NSMF: variants seen among roughly 807,000 people sequenced by gnomAD.
The protein encoded by NSMF is nasal embryonic LHRH factor.
In NSMF, 31 loss-of-function variants were observed where a neutral mutation model predicts 71.0. That is an observed-to-expected ratio of 0.44 (90% confidence interval 0.33 to 0.59). NSMF has a LOEUF of 0.59. Ranked by LOEUF, NSMF falls within the 20% of genes least tolerant of loss-of-function variation. The pLI is 0.04. For missense variants in NSMF, 673 were observed against 740.5 expected (o/e 0.91, Z 1.06); for synonymous variants, 345 against 287.1 (o/e 1.20, Z -2.04).
At chr9:137,449,837 A>T (rs1839826027) in intron 14 of NSMF, 86 bp downstream of exon 14, 1 of 1,386,398 alleles carries the variant, frequency 7.2e-7, no homozygotes. Flanking sequence ...AGGAAAAAAA[A>T]TGCCAGGAAA....
chr9:137,458,668 G>A, intron 1 of NSMF, 119 bp from the exon 2 acceptor site: 2 of 1,012,230 alleles, frequency 2.0e-6, no homozygotes, highest in Non-Finnish European at 3.0e-6. Flanking sequence ...AGGAGGGTCG[G>A]GGTCGTCCCC....
chr9:137,453,371 G>C lies in NSMF; in HGVS notation c.923-191C>G. On this transcript the variant is annotated intron_variant, in intron 8 of 15. Coordinates refer to ENST00000371475, the MANE Select transcript of NSMF (RefSeq NM_001130969.3). The surrounding 1 kb of genome is among the most constrained non-coding windows in gnomAD (Gnocchi z 4.5). ...CACCACTGGGCAGCGGCCTGATGTG[G>C]GAAGGGAGACCCTGGTGCGAGGCCG... is the stretch of plus-strand genomic sequence containing the variant. 1 of 751,576 alleles carries C rather than the reference G, an allele frequency of 1.3e-6. No homozygotes were observed. Among genetic ancestry groups the C allele is most frequent in the Non-Finnish European group, 2.1e-6 (1 of 467,580 alleles). 46.6% of individuals were successfully genotyped at this position (751,576 alleles called of 1,614,324 possible). A position where few individuals can be genotyped will look rare whatever the true frequency, so the allele number is the denominator to read the frequency against.
At position 137,450,275 on chromosome 9, in the gene NSMF, G is replaced by A. The variant is rs373753939; in HGVS notation, c.1237-20C>T. 1.5e-4 allele frequency: 239 copies of A among 1,599,534 alleles called. No individual in the cohort carries two copies. The highest frequency in any genetic ancestry group is 9.9e-4 in the Middle Eastern group (6 of 6,036). ...ACCTCCCTGTAAGAAGCTGTGGTCA[G>A]GCATCTGCTCCTCCTTCCTCCCCCT... On this transcript the variant is annotated intron_variant, in intron 12 of 15. Transcript: ENST00000371475.
intron 2 of NSMF, 137 bp from the exon 3 acceptor site, chr9:137,458,038 T>A: frequency 1.6e-6 from 2 of 1,279,224 alleles, no homozygotes; most frequent in South Asian, 1.3e-5. Context: ...CCCTAGTCAC[T>A]GGCGTGTTTC....
intron 3 of NSMF, among the ~76,000 whole-genome samples, chr9:137,457,094 C>T (rs1392455879): frequency 6.6e-6 from 1 of 152,156 alleles, no homozygotes. Flanking sequence ...TTAAGCGGTG[C>T]TTCCTCCCTA....
At position 137,458,487 on chromosome 9, in the gene NSMF, C is replaced by A. The variant is rs1830980397; in HGVS notation, c.133+1G>T. ...CCTGGCACGGCCTCGCGTGCCCCTA[C>A]CTGCGCCGTTGCGGTTCTCAGGGTG... is the stretch of plus-strand genomic sequence containing the variant. On this transcript the variant is annotated splice_donor_variant, in intron 2 of 15. Transcript: ENST00000371475. LOFTEE classifies it high-confidence loss of function. 2 of 1,585,482 alleles carry A rather than the reference C, an allele frequency of 1.3e-6. No individual in the cohort carries two copies.
rs753640191 is a variant in NSMF at position 137,453,714 on chromosome 9, C to A, written c.922+17G>T. 20 of 1,588,322 alleles carry A rather than the reference C, an allele frequency of 1.3e-5. No individual in the cohort carries two copies. The highest frequency in any genetic ancestry group is 1.6e-5 in the Non-Finnish European group (19 of 1,170,004). On this transcript the variant is annotated intron_variant, in intron 8 of 15. Transcript: ENST00000371475. This position sits in a 1 kb window ranked among gnomAD's most constrained non-coding sequence, Gnocchi z 4.5. ...GAGGCTCTGGGGAAGGTGGGCGGGC[C>A]TGTGCGGGGCACCTACTGTCTCGGG...
Position 137,453,343 on chromosome 9 carries a change from G to A in NSMF, c.923-163C>T, listed in dbSNP as rs1588501293. 2 of 942,020 alleles carry A rather than the reference G, an allele frequency of 2.1e-6. No homozygotes were observed. Among genetic ancestry groups the A allele is most frequent in the South Asian group, 3.0e-5 (2 of 66,318 alleles). 58.4% of individuals were successfully genotyped at this position (942,020 alleles called of 1,614,324 possible). On this transcript the variant is annotated intron_variant, in intron 8 of 15. Transcript: ENST00000371475. This position sits in a 1 kb window ranked among gnomAD's most constrained non-coding sequence, Gnocchi z 4.5. ...CGCCAGCCCGGCAGGACAGGCCTGT[G>A]GACACCACTGGGCAGCGGCCTGATG...
rs1314912555 is a variant in NSMF, at chr9:137,457,737, G to A, written c.298C>T (p.Arg100Ter). ...RKPAGEGPQP[R>*]VYTISGEPAL... ...GGCTCCCCAGAGATGGTGTACACTCGAGGCTGAGGGCCCTCGCCTGCGGGC... is the reference window on the plus strand; with the variant it reads ...GGCTCCCCAGAGATGGTGTACACTCAAGGCTGAGGGCCCTCGCCTGCGGGC... The change falls in exon 3 of 16, where the codon CGA (arginine) becomes TGA (stop). Residue 100 changes from arginine to a stop codon, truncating the protein, a stop_gained. Coordinates refer to ENST00000371475, the MANE Select transcript of NSMF (RefSeq NM_001130969.3). LOFTEE classifies it high-confidence loss of function. 4.5e-6 allele frequency: 7 copies of A among 1,557,446 alleles called. No homozygotes were observed. Among genetic ancestry groups the A allele is most frequent in the Non-Finnish European group, 6.1e-6 (7 of 1,150,812 alleles).
intron 3 of NSMF, among the ~76,000 whole-genome samples, 172 bp downstream of exon 3, chr9:137,457,235 A>T (rs2132012715): frequency 6.6e-6 from 1 of 152,298 alleles, no homozygotes; most frequent in East Asian, 1.9e-4. Flanking sequence ...CTCACAGCTC[A>T]TAGGGTGTGG....
chr9:137,453,367 T>C lies in NSMF; in HGVS notation c.923-187A>G, dbSNP rs889100735. 3.2e-5 allele frequency: 25 copies of C among 772,492 alleles called. No homozygotes were observed. The highest frequency in any genetic ancestry group is 4.7e-5 in the Non-Finnish European group (23 of 484,930). 47.9% of individuals were successfully genotyped at this position (772,492 alleles called of 1,614,324 possible). On this transcript the variant is annotated intron_variant, in intron 8 of 15. Transcript: ENST00000371475. The surrounding 1 kb of genome is among the most constrained non-coding windows in gnomAD (Gnocchi z 4.5). The stretch of plus-strand genomic sequence containing the variant: ...TGGACACCACTGGGCAGCGGCCTGA[T>C]GTGGGAAGGGAGACCCTGGTGCGAG...
intron 12 of NSMF, among the ~76,000 whole-genome samples, chr9:137,451,132 G>T (rs1297062601): frequency 1.5e-4 from 3 of 20,154 alleles, no homozygotes; most frequent in Non-Finnish European, 2.6e-4. Flanking sequence ...GATCTCCCGC[G>T]CCACACGCCT....
intron 12 of NSMF, among the ~76,000 whole-genome samples, chr9:137,451,310 AC>A (rs1381755874): frequency 1.5e-3 from 2 of 1,334 alleles, no homozygotes. Context: ...CCCCCTCCAC[AC>A]GCCTCTTCCC....
chr9:137,455,631 G>C lies in NSMF; in HGVS notation c.708C>G (p.Ile236Met), dbSNP rs936297079. The part of the protein sequence containing the change: ...FQTATTTMQA[I>M]SVFRGYAERK... ...CACCAAGTCATACAGGTACTTACGA[G>C]ATGCTGAAGCCAGGGCCAGAAGGGA... Residue 236 changes from isoleucine to methionine, a missense_variant and splice_region_variant, in exon 5 of 16, where the codon ATC (isoleucine) becomes ATG (methionine). Around this residue, in one of 2 missense-constraint regions of NSMF, gnomAD observed 471 missense variants for 459.6 expected, o/e 1.02. Transcript: ENST00000371475. 1.9e-6 allele frequency: 3 copies of C among 1,550,274 alleles called. No homozygotes were observed. The highest frequency in any genetic ancestry group is 2.6e-6 in the Non-Finnish European group (3 of 1,146,892).
chr9:137,447,756 C>A lies in NSMF; in HGVS notation c.*1638G>T, dbSNP rs887851635. The A allele has an allele frequency of 2.0e-5, 3 of 151,772 alleles. No homozygotes were observed. The highest frequency in any genetic ancestry group is 7.3e-5 in the African/African-American group (3 of 41,278). The allele number at this position is 151,772 out of a possible 1,614,324, so 9.4% of individuals were successfully genotyped here. A position where few individuals can be genotyped will look rare whatever the true frequency, so the allele number is the denominator to read the frequency against. ...GCACCAGTGGCCCCCTGACCCTAGCCCAGCTGATACGTGCTGCTCTGTCCC... is the reference window on the plus strand; with the variant it reads ...GCACCAGTGGCCCCCTGACCCTAGCACAGCTGATACGTGCTGCTCTGTCCC... On this transcript the variant is annotated 3_prime_UTR_variant, in exon 16 of 16. Transcript: ENST00000371475.
At chr9:137,454,609 C>A in intron 6 of NSMF, 166 bp from the exon 7 acceptor site, 1 of 1,543,278 alleles carries the variant, frequency 6.5e-7, no homozygotes, top group Non-Finnish European at 8.7e-7. Context: ...AAATCCCACC[C>A]AGTGCTCTTC....
intron 6 of NSMF, chr9:137,454,891 G>T (rs1830753518): frequency 2.5e-6 from 1 of 397,384 alleles, no homozygotes; most frequent in Non-Finnish European, 3.4e-6. Flanking sequence ...CACCTCAGGG[G>T]CAGGTCCTCT....
intron 3 of NSMF, 114 bp downstream of exon 3, chr9:137,457,293 G>A: frequency 6.9e-7 from 1 of 1,444,556 alleles, no homozygotes; most frequent in Non-Finnish European, 9.7e-7. Flanking sequence ...CCGCTGGCAT[G>A]CTGTGACCTG....
In NSMF at chr9:137,449,627, G is replaced by A. The variant is rs139341268; in HGVS notation, c.1467C>T (p.Phe489=). The A allele has an allele frequency of 5.4e-4, 863 of 1,612,626 alleles. 7 individuals carry two copies. The African/African-American group carries it at 0.01, about 19-fold the overall frequency. Residue 489 remains phenylalanine (F), a synonymous_variant, in exon 15 of 16, where the codon TTC becomes TTT. Coordinates refer to ENST00000371475, the MANE Select transcript of NSMF (RefSeq NM_001130969.3). The part of the protein sequence containing the change: ...RTLMTPYRVT[F]ESPLELSAQG... ...GGGCTGAGAGCTCCAGGGGTGACTC[G>A]AAGGTGACCCTATAAGGAGTCATGA...
Sources: gnomAD v4.1 joint callset for allele counts (sites outside exome capture counted in the v4.1 genomes callset) on GRCh38, gnomAD v4.1.1 for gene constraint, gnomAD v4.1.1 regional missense constraint, Gnocchi (gnomAD v3.1) non-coding constraint, MANE v1.5 for transcripts, NCBI Gene and HGNC (gene_info 2026-07-23, HGNC 2026-07-21) for gene names.